Variants in PCDHGB7 observed in about 807,000 individuals in gnomAD.
PCDHGB7 encodes the protein protocadherin gamma subfamily B, 7.
In PCDHGB7, 37 loss-of-function variants were observed where a neutral mutation model predicts 61.4. That is an observed-to-expected ratio of 0.60 (90% CI 0.46 to 0.79). The LOEUF is 0.79. PCDHGB7 is among the 30% of genes least tolerant of loss of function. The pLI is 0.00. For missense variants in PCDHGB7, 1,166 were observed against 1,202.5 expected (o/e 0.97, Z 0.45); for synonymous variants, 464 against 503.5 (o/e 0.92, Z 1.05).
intron 1 of PCDHGB7, among the ~76,000 whole-genome samples, chr5:141,449,549 A>G (rs1431239786): frequency 6.8e-6 from 1 of 147,830 alleles, no homozygotes; most frequent in East Asian, 2.0e-4. Context: ...AGATCGCACC[A>G]CTGCACTCCA....
rs762979829 is a variant in PCDHGB7, at chr5:141,432,863, T to A, written c.2415+12589T>A. 1 of 1,614,074 alleles carries A rather than the reference T, an allele frequency of 6.2e-7. No individual in the cohort carries two copies. Among genetic ancestry groups the A allele is most frequent in the East Asian group, 2.2e-5 (1 of 44,886 alleles). On this transcript the variant is annotated intron_variant, in intron 1 of 3. Coordinates refer to ENST00000398594, the MANE Select transcript of PCDHGB7 (RefSeq NM_018927.4). The surrounding 1 kb of genome is among the most constrained non-coding windows in gnomAD (Gnocchi z 6.0). ...GGTGGTAGCGGTGGCCGCGGTCTCCTGCGTCTTCCTGGCCTTCGTCATCTT... is the reference window on the plus strand; with the variant it reads ...GGTGGTAGCGGTGGCCGCGGTCTCCAGCGTCTTCCTGGCCTTCGTCATCTT...
chr5:141,488,540 A>C (rs901890616), intron 1 of PCDHGB7, among the ~76,000 whole-genome samples: 6 of 152,146 alleles, frequency 3.9e-5, no homozygotes, highest in Admixed American at 2.0e-4. Context: ...GCTAAGTCCC[A>C]TGTCAGCTGA....
chr5:141,486,400 T>G lies in PCDHGB7; in HGVS notation c.2416-8407T>G. On this transcript the variant is annotated intron_variant, in intron 1 of 3. Transcript: ENST00000398594. This position sits in a 1 kb window ranked among gnomAD's most constrained non-coding sequence, Gnocchi z 5.0. Reference sequence around the variant, plus strand: ...TCAGGAACCAGTTCTCCCTGGTGACTGCTGGACCCTTGGATCGAGAGGCCA... The same window carrying G: ...TCAGGAACCAGTTCTCCCTGGTGACGGCTGGACCCTTGGATCGAGAGGCCA... 5.0e-6 allele frequency: 8 copies of G among 1,614,194 alleles called. No homozygotes were observed. The highest frequency in any genetic ancestry group is 6.8e-6 in the Non-Finnish European group (8 of 1,180,028).
intron 1 of PCDHGB7, chr5:141,424,522 T>C (rs2096826398): frequency 6.6e-6 from 1 of 152,212 alleles, no homozygotes; most frequent in South Asian, 2.1e-4. Flanking sequence ...ATGTAGTAAA[T>C]CCATATATAG....
At position 141,432,370 on chromosome 5, in the gene PCDHGB7, C is replaced by A. The variant is rs1362496624; in HGVS notation, c.2415+12096C>A. On this transcript the variant is annotated intron_variant, in intron 1 of 3. Transcript: ENST00000398594. The surrounding 1 kb of genome is among the most constrained non-coding windows in gnomAD (Gnocchi z 6.0). Reference sequence around the variant, plus strand: ...AAGTGAAAGTGATGGCGCGGGACAACGGGCACCCGCCCCTCAGCAGCAACG... The same window carrying A: ...AAGTGAAAGTGATGGCGCGGGACAAAGGGCACCCGCCCCTCAGCAGCAACG... The A allele has an allele frequency of 6.2e-7, 1 of 1,614,240 alleles. No homozygotes were observed. The highest frequency in any genetic ancestry group is 8.5e-7 in the Non-Finnish European group (1 of 1,180,048).
rs199507728 is a variant in PCDHGB7, at chr5:141,422,807, G to A, written c.2415+2533G>A. On this transcript the variant is annotated intron_variant, in intron 1 of 3. Coordinates refer to ENST00000398594, the MANE Select transcript of PCDHGB7 (RefSeq NM_018927.4). ...CAATCCTTCGACTATGAGCAGTTTC[G>A]AGACTTAGAACTGAGAGTGATAGCA... 1.9e-3 allele frequency: 3,146 copies of A among 1,614,198 alleles called. 36 individuals are homozygous for A. The highest frequency in any genetic ancestry group is 0.018 in the South Asian group (1,680 of 91,084).
intron 1 of PCDHGB7, chr5:141,423,869 T>A (rs1239422805): frequency 5.4e-6 from 7 of 1,285,484 alleles, no homozygotes; most frequent in Non-Finnish European, 6.9e-6. Flanking sequence ...TGAAAGTCAT[T>A]TTTCAATCTT....
Position 141,431,135 on chromosome 5 carries a change from A to C in PCDHGB7, c.2415+10861A>C. ...TGGAGTAGAAGTAGAAGTAAGGGAC[A>C]TTAACGACAATGCGCCTTACTTTCG... On this transcript the variant is annotated intron_variant, in intron 1 of 3. Coordinates refer to ENST00000398594, the MANE Select transcript of PCDHGB7 (RefSeq NM_018927.4). The surrounding 1 kb of genome is among the most constrained non-coding windows in gnomAD (Gnocchi z 4.8). 1 of 1,614,266 alleles carries C rather than the reference A, an allele frequency of 6.2e-7. No homozygotes were observed. Among genetic ancestry groups the C allele is most frequent in the Non-Finnish European group, 8.5e-7 (1 of 1,180,042 alleles).
At chr5:141,500,699 A>G (rs780869966) in intron 2 of PCDHGB7, among the ~76,000 whole-genome samples, 1 of 152,156 alleles carries the variant, frequency 6.6e-6, no homozygotes, top group Non-Finnish European at 1.5e-5. Context: ...TCTTCTTTGC[A>G]GTGTATCATG....
intron 1 of PCDHGB7, chr5:141,427,206 G>C (rs1224325038): frequency 1.1e-5 from 5 of 456,606 alleles, no homozygotes; most frequent in Admixed American, 2.3e-5. Context: ...AATAGACTTC[G>C]AATTTCGTAG....
rs752401867 is a variant in PCDHGB7, at chr5:141,511,224, G to A, written c.*51G>A. On this transcript the variant is annotated 3_prime_UTR_variant, in exon 4 of 4. Transcript: ENST00000398594. ...GGGCGGCCTCTCCCCAACCAGCCCA[G>A]CTTCTCCTTACCTGCACCCAGGCCT... 1.2e-6 allele frequency: 2 copies of A among 1,603,276 alleles called. No homozygotes were observed.
intron 1 of PCDHGB7, among the ~76,000 whole-genome samples, chr5:141,458,227 G>T (rs2154566190): frequency 6.6e-6 from 1 of 152,284 alleles, no homozygotes; most frequent in South Asian, 2.1e-4. Context: ...TCCTTTCCCA[G>T]TCCATGCACC....
rs1057374827 is a variant in PCDHGB7, at chr5:141,485,503, C to G, written c.2416-9304C>G. 3.1e-6 allele frequency: 5 copies of G among 1,613,978 alleles called. No homozygotes were observed. Among genetic ancestry groups the G allele is most frequent in the Non-Finnish European group, 4.2e-6 (5 of 1,180,016 alleles). On this transcript the variant is annotated intron_variant, in intron 1 of 3. Coordinates refer to ENST00000398594, the MANE Select transcript of PCDHGB7 (RefSeq NM_018927.4). This position sits in a 1 kb window ranked among gnomAD's most constrained non-coding sequence, Gnocchi z 5.7. ...GCATCGTGCCCCTGGAGTTTGTCACCGAAGGTCCTTTGGAAATGTACCGAG... is the reference window on the plus strand; with the variant it reads ...GCATCGTGCCCCTGGAGTTTGTCACGGAAGGTCCTTTGGAAATGTACCGAG...
intron 1 of PCDHGB7, 21 bp downstream of exon 1, chr5:141,420,295 T>G (rs1282298065): frequency 6.8e-7 from 1 of 1,466,506 alleles, no homozygotes; most frequent in East Asian, 2.3e-5. Flanking sequence ...AAAAATGTAT[T>G]TAATCCTTTT....
At chr5:141,462,547 T>G (rs534942187) in intron 1 of PCDHGB7, among the ~76,000 whole-genome samples, 1 of 152,330 alleles carries the variant, frequency 6.6e-6, no homozygotes, top group African/African-American at 2.4e-5. Flanking sequence ...TCTTTTCTTC[T>G]TCAGTGTTTA....
chr5:141,492,050 C>CT, intron 1 of PCDHGB7: 1 of 501,102 alleles, frequency 2.0e-6, no homozygotes, highest in Non-Finnish European at 3.5e-6. Flanking sequence ...AGATCCACCC[C>CT]TGCAGCCAGC....
chr5:141,431,724 T>G lies in PCDHGB7; in HGVS notation c.2415+11450T>G, dbSNP rs758754345. On this transcript the variant is annotated intron_variant, in intron 1 of 3. Transcript: ENST00000398594. The surrounding 1 kb of genome is among the most constrained non-coding windows in gnomAD (Gnocchi z 4.8). ...TTCTACCAGATGGAAGTGCAAGCAA[T>G]GGATAATGCAGGATATTCTGCGCGA... 1 of 1,614,036 alleles carries G rather than the reference T, an allele frequency of 6.2e-7. No individual in the cohort carries two copies. Among genetic ancestry groups the G allele is most frequent in the Non-Finnish European group, 8.5e-7 (1 of 1,180,036 alleles).
chr5:141,423,609 A>G lies in PCDHGB7; in HGVS notation c.2415+3335A>G, dbSNP rs748925693. The G allele has an allele frequency of 5.0e-6, 8 of 1,611,572 alleles. No homozygotes were observed. The South Asian group carries it at 7.7e-5, about 16-fold the overall frequency. ...GTGAGAAAAGCGAGCCACTCTTGAT[A>G]GCTGAAGACTCAGCTATCATTTTAG... On this transcript the variant is annotated intron_variant, in intron 1 of 3. Transcript: ENST00000398594.
Position 141,478,335 on chromosome 5 carries a change from C to T in PCDHGB7, c.2416-16472C>T, listed in dbSNP as rs202213361. On this transcript the variant is annotated intron_variant, in intron 1 of 3. Coordinates refer to ENST00000398594, the MANE Select transcript of PCDHGB7 (RefSeq NM_018927.4). ...AGCTCACTGTACCGAACACCAGGGC[C>T]CTCCTTGCACGCGGACGCCGTGCGG... 4.7e-5 allele frequency: 76 copies of T among 1,613,822 alleles called. No individual in the cohort carries two copies. The highest frequency in any genetic ancestry group is 6.1e-5 in the Non-Finnish European group (72 of 1,180,028).
Sources: gnomAD v4.1 joint callset for allele counts (sites outside exome capture counted in the v4.1 genomes callset) on GRCh38, gnomAD v4.1.1 for gene constraint, Gnocchi (gnomAD v3.1) non-coding constraint, MANE v1.5 for transcripts, NCBI Gene and HGNC (gene_info 2026-07-23, HGNC 2026-07-21) for gene names.